The following NAALADL2 variants were observed in gnomAD, a reference collection of about 807,000 sequenced individuals.
NAALADL2 encodes the protein inactive N-acetylated-alpha-linked acidic dipeptidase-like protein 2.
Under a neutral mutation model 87.2 loss-of-function variants are expected in NAALADL2, and 76 were observed. The observed-to-expected ratio is 0.87, with a 90% confidence interval of 0.72 to 1.05. The LOEUF is 1.05. Ranked by LOEUF, NAALADL2 falls within the 50% of genes least tolerant of loss-of-function variation. The pLI is 0.00. For synonymous variants in NAALADL2, 354 were observed against 331.0 expected (o/e 1.07, Z -0.75); for missense variants, 1,089 against 945.8 (o/e 1.15, Z -1.99).
intron 4 of NAALADL2, among the ~76,000 whole-genome samples, chr3:175,282,582 T>A (rs1426799095): frequency 6.6e-6 from 1 of 152,026 alleles, no homozygotes; most frequent in Non-Finnish European, 1.5e-5. Flanking sequence ...TATCTACCTG[T>A]CACCTGCCCT....
intron 1 of NAALADL2, among the ~76,000 whole-genome samples, chr3:174,497,293 T>G (rs1718605013): frequency 1.3e-5 from 2 of 152,116 alleles, no homozygotes; most frequent in African/African-American, 4.8e-5. Flanking sequence ...ATTATAATAT[T>G]GCTACTTACT....
intron 2 of NAALADL2, among the ~76,000 whole-genome samples, chr3:175,138,319 T>C (rs2108696588): frequency 6.6e-6 from 1 of 152,186 alleles, no homozygotes; most frequent in East Asian, 1.9e-4. Flanking sequence ...TCATAGGCAA[T>C]CTCCTAGAGG....
At position 175,786,290 on chromosome 3, in the gene NAALADL2, A is replaced by G. The variant is rs373941225; in HGVS notation, c.2190-16715A>G. ...AAGTTCTCCTGGATAATATCCTGCA[A>G]AGTGTTTTCCAACTTGGTTCCATTC... On this transcript the variant is annotated intron_variant, in intron 13 of 13. Coordinates refer to ENST00000454872, the MANE Select transcript of NAALADL2 (RefSeq NM_207015.3). Among the ~76,000 whole-genome samples, 379 of 152,158 alleles carry G rather than the reference A, an allele frequency of 2.5e-3. 1 individual carries two copies. The highest frequency in any genetic ancestry group is 8.7e-3 in the African/African-American group (360 of 41,478).
intron 11 of NAALADL2, among the ~76,000 whole-genome samples, chr3:175,730,419 T>G (rs868602570): frequency 9.0e-6 from 1 of 111,512 alleles, no homozygotes; most frequent in Non-Finnish European, 1.9e-5. Context: ...TATATATATA[T>G]ATATATATAT....
intron 11 of NAALADL2, among the ~76,000 whole-genome samples, chr3:175,698,449 ATACATATATGTG>A (rs1738428606): frequency 7.6e-6 from 1 of 132,230 alleles, no homozygotes; most frequent in African/African-American, 3.1e-5. Flanking sequence ...TTATGTATGT[ATACATATATGTG>A]TATATATGTG....
At chr3:174,996,373 T>A (rs759828273) in intron 1 of NAALADL2, among the ~76,000 whole-genome samples, 1 of 151,890 alleles carries the variant, frequency 6.6e-6, no homozygotes, top group Non-Finnish European at 1.5e-5. Context: ...GGCAGGTGCC[T>A]GTAGTCTCAG....
intron 13 of NAALADL2, among the ~76,000 whole-genome samples, chr3:175,757,127 C>T (rs1237976107): frequency 1.3e-5 from 2 of 151,820 alleles, no homozygotes; most frequent in East Asian, 3.9e-4. Context: ...TCCTCCTACT[C>T]CATTCTTCCC....
intron 10 of NAALADL2, among the ~76,000 whole-genome samples, chr3:175,624,912 T>A (rs1452748700): frequency 6.6e-6 from 1 of 152,054 alleles, no homozygotes; most frequent in African/African-American, 2.4e-5. Context: ...CACATGTATG[T>A]ACACACTGAC....
At chr3:174,822,341 A>T (rs1459724083) in intron 3 of NAALADL2, among the ~76,000 whole-genome samples, 1 of 152,200 alleles carries the variant, frequency 6.6e-6, no homozygotes, top group Non-Finnish European at 1.5e-5. Flanking sequence ...AAAATGCCAG[A>T]TATTTTTTCT....
At chr3:175,022,859 G>A (rs1226749225) in intron 1 of NAALADL2, among the ~76,000 whole-genome samples, 3 of 152,088 alleles carry the variant, frequency 2.0e-5, no homozygotes, top group Non-Finnish European at 4.4e-5. Flanking sequence ...GAAAATTTGT[G>A]AAGTGTCTAC....
chr3:174,623,475 A>G lies in NAALADL2; in HGVS notation c.-115+72838A>G, dbSNP rs2028997. ...ATGGTACTAAATGATAGACTAGTATATACATGTATTTTATGCATTTGTTAC... is the reference window on the plus strand; with the variant it reads ...ATGGTACTAAATGATAGACTAGTATGTACATGTATTTTATGCATTTGTTAC... On this transcript the variant is annotated intron_variant, in intron 2 of 3. Transcript: ENST00000434257. Among the ~76,000 whole-genome samples, 89 of 152,222 alleles carry G rather than the reference A, an allele frequency of 5.8e-4. 1 individual carries two copies. Among genetic ancestry groups the G allele is most frequent in the African/African-American group, 2.0e-3 (83 of 41,556 alleles).
intron 9 of NAALADL2, among the ~76,000 whole-genome samples, chr3:175,499,487 T>C (rs925408683): frequency 7.6e-6 from 1 of 131,144 alleles, no homozygotes; most frequent in Non-Finnish European, 1.5e-5. Flanking sequence ...ACCTAAGGAA[T>C]TTTTTTTTTC....
chr3:175,019,021 A>G (rs1345814215), intron 1 of NAALADL2, among the ~76,000 whole-genome samples: 1 of 152,052 alleles, frequency 6.6e-6, no homozygotes, highest in Non-Finnish European at 1.5e-5. Context: ...GTGAAATATC[A>G]TACTTGAATT....
intron 10 of NAALADL2, among the ~76,000 whole-genome samples, chr3:175,609,268 A>C (rs1453564695): frequency 1.3e-5 from 2 of 152,182 alleles, no homozygotes; most frequent in African/African-American, 4.8e-5. Flanking sequence ...GAAGTGTACA[A>C]AGAACATAGA....
At chr3:174,755,438 A>G (rs968898906) in intron 3 of NAALADL2, among the ~76,000 whole-genome samples, 1 of 152,178 alleles carries the variant, frequency 6.6e-6, no homozygotes, top group African/African-American at 2.4e-5. Context: ...ATCTGGTGAA[A>G]TTAATATGTA....
intron 2 of NAALADL2, among the ~76,000 whole-genome samples, chr3:174,648,143 A>G (rs755049839): frequency 1.6e-4 from 24 of 152,260 alleles, no homozygotes; most frequent in Middle Eastern, 6.8e-3. Context: ...TATAACTTTT[A>G]TTACAGTATA....
chr3:175,697,430 C>CACAG (rs1553952810), intron 11 of NAALADL2, among the ~76,000 whole-genome samples: 3 of 147,620 alleles, frequency 2.0e-5, no homozygotes, highest in Non-Finnish European at 4.5e-5. Flanking sequence ...CACACACACA[C>CACAG]ACAAAACCCT....
At chr3:174,772,823 A>G (rs1324434059) in intron 3 of NAALADL2, among the ~76,000 whole-genome samples, 1 of 152,202 alleles carries the variant, frequency 6.6e-6, no homozygotes, top group South Asian at 2.1e-4. Flanking sequence ...TCATCTTCTG[A>G]TATAAAGTTC....
chr3:174,613,569 T>C (rs957928818), intron 2 of NAALADL2, among the ~76,000 whole-genome samples: 6 of 152,304 alleles, frequency 3.9e-5, no homozygotes, highest in South Asian at 2.1e-4. Flanking sequence ...ACTGGCACCA[T>C]AGGACAATGG....
Sources: gnomAD v4.1 joint callset for allele counts (sites outside exome capture counted in the v4.1 genomes callset) on GRCh38, gnomAD v4.1.1 for gene constraint, MANE v1.5 for transcripts, NCBI Gene and HGNC (gene_info 2026-07-23, HGNC 2026-07-21) for gene names.